The following PDE3B variants were observed in gnomAD, a reference collection of about 807,000 sequenced individuals.
PDE3B encodes the protein phosphodiesterase 3B.
PDE3B carries 66 observed loss-of-function variants against 116.8 expected under a neutral mutation model. The observed-to-expected ratio is 0.56, with a 90% CI of 0.46 to 0.69. PDE3B has a LOEUF of 0.69. Among genes scored for constraint, PDE3B ranks in the 30% least tolerant of loss-of-function variants. The pLI is 0.00. For missense variants in PDE3B, 1,384 were observed against 1,368.1 expected (o/e 1.01, Z -0.18); for synonymous variants, 595 against 533.6 (o/e 1.12, Z -1.59).
the PDE3B span, chr11:14,890,941 C>G: frequency 1.0e-6 from 1 of 985,442 alleles, no homozygotes; most frequent in Non-Finnish European, 1.2e-6. Flanking sequence ...ACTTTTCCTT[C>G]AAAACACTGA....
At chr11:14,768,161 C>G (rs1295489797) in intron 1 of PDE3B, among the ~76,000 whole-genome samples, 7 of 151,460 alleles carry the variant, frequency 4.6e-5, no homozygotes, top group African/African-American at 7.2e-5. Flanking sequence ...AGAGTTTTCT[C>G]TAGTCACTTT....
intron 1 of PDE3B, among the ~76,000 whole-genome samples, chr11:14,704,210 T>A (rs1217040446): frequency 6.6e-6 from 1 of 151,746 alleles, no homozygotes; most frequent in Non-Finnish European, 1.5e-5. Context: ...AGAATTATGT[T>A]AAAATATTAA....
At chr11:14,679,504 C>T (rs569488168) in intron 1 of PDE3B, among the ~76,000 whole-genome samples, 1 of 152,236 alleles carries the variant, frequency 6.6e-6, no homozygotes, top group African/African-American at 2.4e-5. Context: ...GCAAGCCAGC[C>T]AGGATGTAAA....
chr11:14,687,235 A>G (rs976064641), intron 1 of PDE3B, among the ~76,000 whole-genome samples: 2 of 152,194 alleles, frequency 1.3e-5, no homozygotes, highest in African/African-American at 4.8e-5. Flanking sequence ...TTTGTGAAGA[A>G]TATTACTTTA....
chr11:14,683,534 T>A (rs1854777191), intron 1 of PDE3B, among the ~76,000 whole-genome samples: 1 of 152,046 alleles, frequency 6.6e-6, no homozygotes, highest in African/African-American at 2.4e-5. Flanking sequence ...CCTCTTTTAT[T>A]CTTGTTATTG....
At chr11:14,656,808 A>G (rs1425040329) in intron 1 of PDE3B, among the ~76,000 whole-genome samples, 11 of 152,188 alleles carry the variant, frequency 7.2e-5, no homozygotes, top group Non-Finnish European at 1.2e-4. Flanking sequence ...GAATTATTTA[A>G]TAGTTTATGC....
intron 1 of PDE3B, among the ~76,000 whole-genome samples, chr11:14,732,252 A>T (rs533133423): frequency 1.3e-5 from 2 of 152,240 alleles, no homozygotes; most frequent in South Asian, 4.1e-4. Flanking sequence ...ATGAGATGAA[A>T]ATAATGAAAA....
intron 1 of PDE3B, among the ~76,000 whole-genome samples, chr11:14,707,616 G>C (rs1462443062): frequency 1.3e-5 from 2 of 151,984 alleles, no homozygotes; most frequent in Non-Finnish European, 1.5e-5. Context: ...AACCAGGTCT[G>C]ATTATTGACT....
At chr11:14,814,590 A>T (rs893776921) in intron 5 of PDE3B, among the ~76,000 whole-genome samples, 1 of 152,230 alleles carries the variant, frequency 6.6e-6, no homozygotes, top group East Asian at 1.9e-4. Flanking sequence ...CCGTAACAAG[A>T]CATAAAAATA....
intron 1 of PDE3B, among the ~76,000 whole-genome samples, chr11:14,726,963 G>A (rs771480841): frequency 6.6e-6 from 1 of 152,112 alleles, no homozygotes; most frequent in Non-Finnish European, 1.5e-5. Flanking sequence ...TTCTGAATTT[G>A]CAATTCATTC....
intron 1 of PDE3B, among the ~76,000 whole-genome samples, chr11:14,676,150 CT>C (rs1428846797): frequency 6.6e-6 from 1 of 152,044 alleles, no homozygotes; most frequent in Non-Finnish European, 1.5e-5. Context: ...ATGTTCAAGT[CT>C]TTTGCTAATT....
At chr11:14,711,729 C>T (rs1855708523) in intron 1 of PDE3B, among the ~76,000 whole-genome samples, 1 of 152,168 alleles carries the variant, frequency 6.6e-6, no homozygotes, top group Non-Finnish European at 1.5e-5. Context: ...TACAATTCAA[C>T]ATGAGATTTG....
chr11:14,821,278 CAG>C (rs1859507938), intron 7 of PDE3B, among the ~76,000 whole-genome samples: 1 of 152,152 alleles, frequency 6.6e-6, no homozygotes, highest in African/African-American at 2.4e-5. Context: ...GAACTCAGAA[CAG>C]AGTGTCACTT....
intron 1 of PDE3B, among the ~76,000 whole-genome samples, chr11:14,712,285 A>G (rs1275131873): frequency 6.6e-6 from 1 of 151,828 alleles, no homozygotes; most frequent in Non-Finnish European, 1.5e-5. Flanking sequence ...GGGTCTTACT[A>G]TATTGGCTAG....
At position 14,830,835 on chromosome 11, in the gene PDE3B, C is replaced by A; in HGVS notation, c.1945C>A (p.Gln649Lys). The part of the protein sequence containing the change: ...KWLTEEAQSE[Q>K]QTNIEQEVSL... ...GCTAACAGAAGAGGCACAGAGTGAA[C>A]AGCAAACAAATGTAAAAGATAAACT... The change falls in exon 8 of 16, where the codon CAG (glutamine) becomes AAG (lysine). Residue 649 changes from glutamine (Q) to lysine (K), a missense_variant. Gln to Lys is a moderately conservative substitution (Grantham distance 53). Around this residue, in one of 2 missense-constraint regions of PDE3B, gnomAD observed 956 missense variants for 806.8 expected, o/e 1.18. Coordinates refer to ENST00000282096, the MANE Select transcript of PDE3B (RefSeq NM_000922.4). 6.7e-7 allele frequency: 1 copy of A among 1,495,560 alleles called. No individual in the cohort carries two copies. Among genetic ancestry groups the A allele is most frequent in the Non-Finnish European group, 8.9e-7 (1 of 1,126,552 alleles). The allele number at this position is 1,495,560 out of a possible 1,614,324, so 92.6% of individuals were successfully genotyped here. A position where few individuals can be genotyped will look rare whatever the true frequency, so the allele number is the denominator to read the frequency against.
intron 1 of PDE3B, among the ~76,000 whole-genome samples, chr11:14,685,141 G>C (rs1854831471): frequency 6.6e-6 from 1 of 151,678 alleles, no homozygotes; most frequent in Non-Finnish European, 1.5e-5. Flanking sequence ...TTTATGTTCA[G>C]AGATTGCAGT....
intron 1 of PDE3B, chr11:14,700,610 A>T (rs775773832): frequency 6.6e-6 from 1 of 151,746 alleles, no homozygotes; most frequent in African/African-American, 2.4e-5. Context: ...TTAAATTTCA[A>T]ATGTGTGTTT....
intron 8 of PDE3B, 57 bp downstream of exon 8, chr11:14,830,903 C>G: frequency 8.7e-7 from 1 of 1,153,534 alleles, no homozygotes; most frequent in South Asian, 2.5e-5. Context: ...ACTGTTAGTA[C>G]TGGTTTCATT....
chr11:14,799,623 G>A (rs1165142442), intron 4 of PDE3B, among the ~76,000 whole-genome samples: 1 of 151,824 alleles, frequency 6.6e-6, no homozygotes, highest in African/African-American at 2.4e-5. Flanking sequence ...CTCTTATATT[G>A]GGTACATATA....
Sources: allele counts gnomAD v4.1 joint callset (sites outside exome capture counted in the v4.1 genomes callset), GRCh38; gene constraint gnomAD v4.1.1; regional missense constraint gnomAD v4.1.1; transcripts MANE v1.5; gene names NCBI Gene and HGNC (gene_info 2026-07-23, HGNC 2026-07-21).